PLAC8: variants seen among roughly 807,000 people sequenced by gnomAD.
PLAC8 encodes the protein placenta associated 8.
In PLAC8, 6 loss-of-function variants were observed where a neutral mutation model predicts 12.6. That is an observed-to-expected ratio of 0.48 (90% CI 0.26 to 0.94). The LOEUF (loss-of-function observed/expected upper bound fraction) is 0.94. Among genes scored for constraint, PLAC8 ranks in the 40% least tolerant of loss-of-function variants. The pLI, the probability that PLAC8 is intolerant of heterozygous loss-of-function variation, is 0.14. For missense variants in PLAC8, 122 were observed against 152.7 expected (o/e 0.80, Z 1.06); for synonymous variants, 54 against 52.6 (o/e 1.03, Z -0.11).
rs70946974 is a variant in PLAC8 at position 83,107,620 on chromosome 4, C to CTTTTTTTTTTTTTT, written c.118+170_118+183dup. 1.7e-3 allele frequency among the ~76,000 whole-genome samples: 24 copies of CTTTTTTTTTTTTTT among 13,856 alleles called. 10 individuals carry two copies. Among genetic ancestry groups the CTTTTTTTTTTTTTT allele is most frequent in the Non-Finnish European group, 4.0e-3 (21 of 5,216 alleles). 9.1% of individuals were successfully genotyped at this position (13,856 alleles called of 152,430 possible). On this transcript the variant is annotated intron_variant, in intron 2 of 4. Coordinates refer to ENST00000311507, the MANE Select transcript of PLAC8 (RefSeq NM_016619.3). ...GAAAATTAAGTTATCCATACGGAGG[C>CTTTTTTTTTTTTTT]TTTTTTTTTTTTTTTTTTTTTTTTT...
intron 4 of PLAC8, among the ~76,000 whole-genome samples, chr4:83,092,478 T>C (rs1731828141): frequency 6.6e-6 from 1 of 152,050 alleles, no homozygotes; most frequent in African/African-American, 2.4e-5. Flanking sequence ...TGAGCTCAAG[T>C]GATCCTCCCA....
intron 3 of PLAC8, among the ~76,000 whole-genome samples, chr4:83,104,327 GTA>G (rs540113598): frequency 1.5e-4 from 23 of 151,326 alleles, no homozygotes; most frequent in African/African-American, 5.3e-4. Context: ...AGGTTTGCCT[GTA>G]TATATATATA....
chr4:83,113,379 C>T (rs896883579), intron 1 of PLAC8, among the ~76,000 whole-genome samples: 1 of 152,220 alleles, frequency 6.6e-6, no homozygotes. Context: ...GTATCCTGGG[C>T]ACTTCACAAG....
At chr4:83,101,879 C>T (rs56045236) in intron 3 of PLAC8, among the ~76,000 whole-genome samples, 58,554 of 152,024 alleles carry the variant, frequency 0.39, 11,498 homozygotes, top group Middle Eastern at 0.46. Context: ...AACCACAAAA[C>T]CTGATGACAG....
In PLAC8 at chr4:83,104,910, G is replaced by T. The variant is rs760878837; in HGVS notation, c.229C>A (p.Arg77=). ...AAGAGACTCACAGGGATGCCATATC[G>T]GGTCCTGTAGAGAGTCCTCATTGCG... is the stretch of plus-strand genomic sequence containing the variant. ...SVAMRTLYRT[R]YGIPGSICDD... Residue 77 remains arginine (R), a synonymous_variant, in exon 3 of 5, where the codon CGA becomes AGA. Coordinates refer to ENST00000311507, the MANE Select transcript of PLAC8 (RefSeq NM_016619.3). The T allele has an allele frequency of 3.1e-6, 5 of 1,613,858 alleles. No homozygotes were observed. The African/African-American group carries it at 5.3e-5, about 17-fold the overall frequency.
At chr4:83,111,325 C>T (rs1169453348) in intron 1 of PLAC8, among the ~76,000 whole-genome samples, 1 of 151,904 alleles carries the variant, frequency 6.6e-6, no homozygotes, top group South Asian at 2.1e-4. Context: ...AAGAAATATC[C>T]TTTTCAGAAA....
At chr4:83,105,276 A>G (rs1340879194) in intron 2 of PLAC8, among the ~76,000 whole-genome samples, 2 of 152,230 alleles carry the variant, frequency 1.3e-5, no homozygotes, top group Admixed American at 1.3e-4. Flanking sequence ...TTGTTCATTG[A>G]TGCAGTAAAA....
At chr4:83,108,840 T>C (rs1242038538) in intron 1 of PLAC8, among the ~76,000 whole-genome samples, 1 of 152,152 alleles carries the variant, frequency 6.6e-6, no homozygotes, top group Non-Finnish European at 1.5e-5. Flanking sequence ...CCCTTCTTGT[T>C]CCTAATTTAT....
At chr4:83,097,087 A>G (rs1377124244) in intron 3 of PLAC8, among the ~76,000 whole-genome samples, 1 of 152,146 alleles carries the variant, frequency 6.6e-6, no homozygotes, top group African/African-American at 2.4e-5. Context: ...TTTATTTGCT[A>G]CTTATTTGGT....
intron 3 of PLAC8, among the ~76,000 whole-genome samples, chr4:83,097,335 G>T (rs532016314): frequency 5.3e-5 from 8 of 152,160 alleles, no homozygotes; most frequent in African/African-American, 1.9e-4. Context: ...AAAATATTTT[G>T]TCAGAAAAAT....
intron 3 of PLAC8, among the ~76,000 whole-genome samples, chr4:83,103,448 G>A (rs1409214852): frequency 1.3e-5 from 2 of 152,118 alleles, no homozygotes; most frequent in Non-Finnish European, 2.9e-5. Flanking sequence ...ATCAACTCCT[G>A]GTGAAGATGC....
intron 2 of PLAC8, 106 bp from the exon 3 acceptor site, chr4:83,105,126 C>T (rs1190333013): frequency 1.5e-5 from 19 of 1,275,378 alleles, no homozygotes; most frequent in South Asian, 6.3e-5. Context: ...GGGCCTTGGC[C>T]GCAAAGCCTG....
At chr4:83,102,494 G>C (rs2126141926) in intron 3 of PLAC8, among the ~76,000 whole-genome samples, 1 of 152,234 alleles carries the variant, frequency 6.6e-6, no homozygotes. Flanking sequence ...AGCCGAGACG[G>C]CGCCACTGCA....
At chr4:83,092,144 G>A (rs955993521) in intron 4 of PLAC8, among the ~76,000 whole-genome samples, 54 of 152,204 alleles carry the variant, frequency 3.5e-4, no homozygotes, top group African/African-American at 1.0e-3. Context: ...GGACCGCCAA[G>A]GTATTTTACT....
At chr4:83,111,511 G>A (rs1239641105) in intron 1 of PLAC8, among the ~76,000 whole-genome samples, 2 of 151,872 alleles carry the variant, frequency 1.3e-5, no homozygotes, top group African/African-American at 4.8e-5. Flanking sequence ...AAAGGAGGGG[G>A]CAAGTCATAC....
In PLAC8 at chr4:83,090,823, T is replaced by C. The variant is rs1328436899; in HGVS notation, c.*158A>G. ...CATTTAGCTAAGTTCAGGGACAACA[T>C]TCATTTATAATAAATCAAAAATTTG... On this transcript the variant is annotated 3_prime_UTR_variant, in exon 5 of 5. Coordinates refer to ENST00000311507, the MANE Select transcript of PLAC8 (RefSeq NM_016619.3). The C allele has an allele frequency of 1.3e-5, 2 of 152,104 alleles. No homozygotes were observed. Among genetic ancestry groups the C allele is most frequent in the African/African-American group, 2.4e-5 (1 of 41,412 alleles). The allele number at this position is 152,104 out of a possible 1,614,324, so 9.4% of individuals were successfully genotyped here.
intron 3 of PLAC8, among the ~76,000 whole-genome samples, chr4:83,100,659 T>C (rs978455593): frequency 1.3e-5 from 2 of 152,296 alleles, no homozygotes; most frequent in South Asian, 4.1e-4. Context: ...CTTCCTCTCC[T>C]TGGGCCTCTC....
At chr4:83,109,140 C>A (rs1732340578) in intron 1 of PLAC8, among the ~76,000 whole-genome samples, 1 of 152,210 alleles carries the variant, frequency 6.6e-6, no homozygotes, top group South Asian at 2.1e-4. Flanking sequence ...TTAGACTCAT[C>A]ATTTAACTAG....
At chr4:83,109,096 C>A (rs928292469) in intron 1 of PLAC8, among the ~76,000 whole-genome samples, 4 of 152,168 alleles carry the variant, frequency 2.6e-5, no homozygotes, top group African/African-American at 9.7e-5. Context: ...GTGAGAGCAG[C>A]TTTGCCCAAG....
Sources: allele counts gnomAD v4.1 joint callset (sites outside exome capture counted in the v4.1 genomes callset), GRCh38; gene constraint gnomAD v4.1.1; transcripts MANE v1.5; gene names NCBI Gene and HGNC (gene_info 2026-07-23, HGNC 2026-07-21).